Variants in MAP7D1 observed in about 807,000 individuals in gnomAD.
The protein encoded by MAP7D1 is MAP7 domain containing 1.
A neutral mutation model predicts 97.5 loss-of-function variants in MAP7D1; 30 were observed. That is an observed-to-expected ratio of 0.31 (90% CI 0.23 to 0.42). MAP7D1 has a LOEUF of 0.42. Among genes scored for constraint, MAP7D1 ranks in the 10% least tolerant of loss-of-function variants. The pLI, the probability that MAP7D1 is intolerant of heterozygous loss-of-function variation, is 1.00. For synonymous variants in MAP7D1, 536 were observed against 477.1 expected (o/e 1.12, Z -1.61); for missense variants, 1,184 against 1,179.5 (o/e 1.00, Z -0.06).
At chr1:36,172,998 C>T in intron 4 of MAP7D1, among the ~76,000 whole-genome samples, 1 of 152,130 alleles carries the variant, frequency 6.6e-6, no homozygotes, top group East Asian at 1.9e-4. Context: ...GCCACCTGGC[C>T]CTACCTGGGA....
intron 10 of MAP7D1, 39 bp downstream of exon 10, chr1:36,178,635 G>A (rs757263491): frequency 2.7e-5 from 42 of 1,542,878 alleles, no homozygotes; most frequent in Non-Finnish European, 3.4e-5. Context: ...CCTCGTGGGC[G>A]CTGGAGAAGA....
intron 1 of MAP7D1, among the ~76,000 whole-genome samples, chr1:36,161,281 C>A (rs1429005733): frequency 6.6e-6 from 1 of 152,206 alleles, no homozygotes; most frequent in Non-Finnish European, 1.5e-5. Context: ...ATAATGCTGC[C>A]CCCTAAGGGT....
chr1:36,162,030 C>G (rs1198723065), intron 1 of MAP7D1, among the ~76,000 whole-genome samples: 1 of 152,128 alleles, frequency 6.6e-6, no homozygotes, highest in Non-Finnish European at 1.5e-5. Flanking sequence ...CTCTGCCTGC[C>G]TCTGTCTTCG....
intron 1 of MAP7D1, among the ~76,000 whole-genome samples, chr1:36,168,912 C>G (rs1361509544): frequency 6.6e-6 from 1 of 152,084 alleles, no homozygotes; most frequent in Non-Finnish European, 1.5e-5. Flanking sequence ...CTGTCCTCAT[C>G]TATATGAGGA....
At position 36,178,665 on chromosome 1, in the gene MAP7D1, C is replaced by A; in HGVS notation, c.1887-20C>A. ...AGAAGAAGCAGAGGCCGAGCCTGAG[C>A]CGTTTGCTCCGTCCCCCAGGCGAAT... is the stretch of plus-strand genomic sequence containing the variant. On this transcript the variant is annotated intron_variant, in intron 10 of 16. Coordinates refer to ENST00000474796, the MANE Select transcript of MAP7D1 (RefSeq NM_001388490.1). 6.5e-7 allele frequency: 1 copy of A among 1,528,206 alleles called. No individual in the cohort carries two copies. The allele number at this position is 1,528,206 out of a possible 1,614,324, so 94.7% of individuals were successfully genotyped here.
At chr1:36,168,020 G>A (rs2124219208) in intron 1 of MAP7D1, among the ~76,000 whole-genome samples, 1 of 152,332 alleles carries the variant, frequency 6.6e-6, no homozygotes, top group South Asian at 2.1e-4. Context: ...CTCTAGGCTG[G>A]GTGCGGTGGC....
At chr1:36,173,517 G>C in intron 5 of MAP7D1, 39 bp downstream of exon 5, 1 of 1,480,950 alleles carries the variant, frequency 6.8e-7, no homozygotes, top group Non-Finnish European at 9.2e-7. Flanking sequence ...GGTGGGCAAG[G>C]CTGGGATGGC....
At chr1:36,170,192 T>A (rs1239001549) in intron 1 of MAP7D1, among the ~76,000 whole-genome samples, 7 of 152,214 alleles carry the variant, frequency 4.6e-5, no homozygotes, top group Non-Finnish European at 1.0e-4. Context: ...TTGCCCCACA[T>A]GTGTATATGT....
Position 36,176,359 on chromosome 1 carries a change from C to T in MAP7D1, c.1011C>T (p.Gly337=), listed in dbSNP as rs904592513. The change falls in exon 7 of 17, where the codon GGC becomes GGT. Residue 337 remains glycine (G), a synonymous_variant. Coordinates refer to ENST00000474796, the MANE Select transcript of MAP7D1 (RefSeq NM_001388490.1). The surrounding 1 kb of genome is among the most constrained non-coding windows in gnomAD (Gnocchi z 6.1). ...GCDPGRGPTW[G]RAGASLARGP... is the part of the protein sequence containing the mutation. ...ACCCTGGGAGAGGCCCCACGTGGGGCCGGGCAGGGGCCAGCCTGGCGCGCG... is the reference window on the plus strand; with the variant it reads ...ACCCTGGGAGAGGCCCCACGTGGGGTCGGGCAGGGGCCAGCCTGGCGCGCG... The T allele has an allele frequency of 2.6e-6, 4 of 1,525,170 alleles. No homozygotes were observed. Among genetic ancestry groups the T allele is most frequent in the South Asian group, 2.4e-5 (2 of 82,834 alleles). The allele number at this position is 1,525,170 out of a possible 1,614,324, so 94.5% of individuals were successfully genotyped here. A position where few individuals can be genotyped will look rare whatever the true frequency, so the allele number is the denominator to read the frequency against.
intron 1 of MAP7D1, among the ~76,000 whole-genome samples, chr1:36,156,854 C>T (rs138576460): frequency 6.6e-6 from 1 of 152,296 alleles, no homozygotes; most frequent in Non-Finnish European, 1.5e-5. Context: ...CCCCGTGGCA[C>T]ATGTGACCCC....
chr1:36,176,642 G>C lies in MAP7D1; in HGVS notation c.1234-55G>C, dbSNP rs550145. On this transcript the variant is annotated intron_variant, in intron 7 of 16. Coordinates refer to ENST00000474796, the MANE Select transcript of MAP7D1 (RefSeq NM_001388490.1). The surrounding 1 kb of genome is among the most constrained non-coding windows in gnomAD (Gnocchi z 6.1). ...TGGGGACAGGCAGCCTGGAACTGGG[G>C]TACGCGGGCGCTGCTGACCTCTACT... The C allele has an allele frequency of 6.5e-3, 10,318 of 1,586,956 alleles. 535 individuals are homozygous for C. The African/African-American group carries it at 0.12, about 18-fold the overall frequency.
chr1:36,176,536 CG>C lies in MAP7D1; in HGVS notation c.1193del (p.Gly398AlafsTer34). 4.3e-6 allele frequency: 6 copies of C among 1,404,248 alleles called. No homozygotes were observed. The highest frequency in any genetic ancestry group is 1.5e-5 in the South Asian group (1 of 64,976). The allele number at this position is 1,404,248 out of a possible 1,614,324, so 87.0% of individuals were successfully genotyped here. A position where few individuals can be genotyped will look rare whatever the true frequency, so the allele number is the denominator to read the frequency against. On this transcript the variant is annotated frameshift_variant, in exon 7 of 17. Transcript: ENST00000474796. LOFTEE classifies it high-confidence loss of function. The surrounding 1 kb of genome is among the most constrained non-coding windows in gnomAD (Gnocchi z 6.1). ...ERGERRKPNA[G>X]GSPAPVRRRP... Reference sequence around the variant, plus strand: ...GCGGGGAGCGCCGCAAGCCCAACGCCGGGGGCAGCCCCGCTCCGGTGCGCCG... The same window carrying C: ...GCGGGGAGCGCCGCAAGCCCAACGCCGGGGCAGCCCCGCTCCGGTGCGCCG...
chr1:36,163,892 G>T (rs946626924), intron 1 of MAP7D1, among the ~76,000 whole-genome samples: 2 of 131,620 alleles, frequency 1.5e-5, no homozygotes, highest in East Asian at 4.8e-4. Context: ...CAGTAGTGCA[G>T]TCTCAGATCA....
At position 36,171,034 on chromosome 1, in the gene MAP7D1, C is replaced by G. The variant is rs1266655221; in HGVS notation, c.110C>G (p.Pro37Arg). 11 of 1,579,616 alleles carry G rather than the reference C, an allele frequency of 7.0e-6. No homozygotes were observed. In the African/African-American group the frequency reaches 8.1e-5, roughly 12 times the overall value. The change falls in exon 2 of 17, where the codon CCA (proline) becomes CGA (arginine). Residue 37 changes from proline to arginine, a missense_variant. Physicochemically the swap from Pro to Arg is moderately radical, Grantham distance 103. Transcript: ENST00000474796. ...PSPEGDPSPP[P>R]PPMSALVPDT... ...CCAGAAGGTGACCCTTCCCCCCCAC[C>G]ACCACCAATGTCAGCCCTGGTCCCC...
At chr1:36,177,639 A>C (rs1441756648) in intron 8 of MAP7D1, 2 of 759,778 alleles carry the variant, frequency 2.6e-6, no homozygotes, top group Admixed American at 4.5e-5. Flanking sequence ...TCTCTTATTA[A>C]GCTTACAGGC....
rs760887737 is a variant in MAP7D1, at chr1:36,178,188, G to A, written c.1695G>A (p.Ala565=). ...PAPPQKEQPP[A]ETPTDAAVLT... ...CGCCCCAGAAGGAGCAGCCCCCCGC[G>A]GAGACCCCTACAGGTAGGAATGAAG... Residue 565 remains alanine (A), a synonymous_variant, in exon 9 of 17, where the codon GCG becomes GCA. Transcript: ENST00000474796. The A allele has an allele frequency of 6.4e-7, 1 of 1,559,154 alleles. No homozygotes were observed. Among genetic ancestry groups the A allele is most frequent in the Non-Finnish European group, 8.7e-7 (1 of 1,152,764 alleles).
At chr1:36,174,815 G>C in intron 5 of MAP7D1, 83 bp from the exon 6 acceptor site, 1 of 513,036 alleles carries the variant, frequency 1.9e-6, no homozygotes, top group South Asian at 1.6e-5. Context: ...CCCGCCCTCG[G>C]AGCATCCTGC....
At chr1:36,171,410 G>T in intron 2 of MAP7D1, 95 bp downstream of exon 2, 1 of 1,554,402 alleles carries the variant, frequency 6.4e-7, no homozygotes, top group Admixed American at 1.8e-5. Flanking sequence ...TGCCCTAGAG[G>T]AGATAAAGAA....
At chr1:36,161,863 A>ATGTGTGTG (rs371183852) in intron 1 of MAP7D1, among the ~76,000 whole-genome samples, 8,147 of 137,522 alleles carry the variant, frequency 0.059, 597 homozygotes, top group East Asian at 0.24. Flanking sequence ...TTTCCTCTGC[A>ATGTGTGTG]TGTGTGTGTG....
Sources: gnomAD v4.1 joint callset for allele counts (sites outside exome capture counted in the v4.1 genomes callset) on GRCh38, gnomAD v4.1.1 for gene constraint, Gnocchi (gnomAD v3.1) non-coding constraint, MANE v1.5 for transcripts, NCBI Gene and HGNC (gene_info 2026-07-23, HGNC 2026-07-21) for gene names.